The following SPATS2L variants were observed in gnomAD, a reference collection of about 807,000 sequenced individuals.
SPATS2L encodes the protein spermatogenesis associated serine rich 2 like, also known as SPATS2-like protein.
SPATS2L carries 30 observed loss-of-function variants against 59.6 expected under a neutral mutation model. The ratio of observed to expected loss-of-function variants is 0.50; its 90% CI spans 0.38 to 0.68. SPATS2L has a LOEUF of 0.68. Among genes scored for constraint, SPATS2L ranks in the 30% least tolerant of loss-of-function variants. The pLI, the probability that SPATS2L is intolerant of heterozygous loss-of-function variation, is 0.00. For missense variants in SPATS2L, 615 were observed against 700.0 expected (o/e 0.88, Z 1.37); for synonymous variants, 252 against 263.5 (o/e 0.96, Z 0.42).
chr2:200,429,916 C>T (rs2083808072), intron 6 of SPATS2L, among the ~76,000 whole-genome samples: 2 of 152,094 alleles, frequency 1.3e-5, no homozygotes, highest in African/African-American at 4.8e-5. Flanking sequence ...AGTACAATTT[C>T]CCACTCTTTT....
intron 6 of SPATS2L, among the ~76,000 whole-genome samples, chr2:200,430,479 C>T (rs73986895): frequency 0.059 from 8,930 of 151,256 alleles, 547 homozygotes; most frequent in East Asian, 0.16. Context: ...AAACAACCAC[C>T]GTTAAATTTT....
intron 3 of SPATS2L, among the ~76,000 whole-genome samples, chr2:200,396,033 A>AT (rs1172186726): frequency 2.8e-4 from 6 of 21,132 alleles, no homozygotes; most frequent in East Asian, 2.0e-3. Flanking sequence ...AAAAAAAAAA[A>AT]ATATATATAT....
chr2:200,394,392 G>A (rs576727918), intron 3 of SPATS2L, among the ~76,000 whole-genome samples: 1 of 152,230 alleles, frequency 6.6e-6, no homozygotes, highest in African/African-American at 2.4e-5. Context: ...CCCTTCCTCT[G>A]TCATTCACCT....
At chr2:200,347,944 T>G (rs1009133318) in intron 2 of SPATS2L, among the ~76,000 whole-genome samples, 5 of 152,222 alleles carry the variant, frequency 3.3e-5, no homozygotes, top group Non-Finnish European at 5.9e-5. Flanking sequence ...GTCATATAAC[T>G]TCTCTTTCCA....
At position 200,469,935 on chromosome 2, in the gene SPATS2L, T is replaced by C. The variant is rs751090740; in HGVS notation, c.979T>C (p.Tyr327His). 3 of 1,611,150 alleles carry C rather than the reference T, an allele frequency of 1.9e-6. No individual in the cohort carries two copies. The Admixed American group carries it at 5.0e-5, about 27-fold the overall frequency. The change falls in exon 11 of 13, where the codon TAT becomes CAT. Residue 327 changes from tyrosine (Y) to histidine (H), a missense_variant. Physicochemically the swap from Tyr to His is moderately conservative, Grantham distance 83. This residue lies in a region of SPATS2L where 104 missense variants were observed against 162.5 expected (regional missense o/e 0.64). Transcript: ENST00000409140. ...CCAGCACTTTGTCAGCGAGCGTAAA[T>C]ATGACGAGGAGCTCGGGAAAGCTGC... ...EIKHFVSERK[Y>H]DEELGKAARF...
At chr2:200,325,496 A>G (rs2079705726) in intron 1 of SPATS2L, among the ~76,000 whole-genome samples, 1 of 152,114 alleles carries the variant, frequency 6.6e-6, no homozygotes, top group Admixed American at 6.6e-5. Flanking sequence ...CTGCTGCCTC[A>G]GCCTCCCGAG....
intron 6 of SPATS2L, among the ~76,000 whole-genome samples, chr2:200,430,156 C>G (rs567404832): frequency 2.9e-4 from 44 of 152,238 alleles, no homozygotes; most frequent in African/African-American, 1.0e-3. Flanking sequence ...ACGACAGAGA[C>G]CACATCTGTC....
chr2:200,424,301 A>C lies in SPATS2L; in HGVS notation c.445+4805A>C, dbSNP rs2083434397. On this transcript the variant is annotated intron_variant, in intron 6 of 12. Coordinates refer to ENST00000409140, the MANE Select transcript of SPATS2L (RefSeq NM_001100423.2). ...CAGGAGTTTGAGACCAGCCTGGGCA[A>C]CATAGCGAGCTCTTATCTCTTTAAA... Among the ~76,000 whole-genome samples, 4 of 150,670 alleles carry C rather than the reference A, an allele frequency of 2.7e-5. No individual in the cohort carries two copies. In the Admixed American group the frequency reaches 2.7e-4, roughly 10 times the overall value.
At chr2:200,338,730 C>T (rs2105813988) in intron 2 of SPATS2L, among the ~76,000 whole-genome samples, 1 of 152,306 alleles carries the variant, frequency 6.6e-6, no homozygotes, top group South Asian at 2.1e-4. Flanking sequence ...GTTTTTAACA[C>T]ATCAGTTGGT....
At chr2:200,430,399 A>G (rs1202107607) in intron 6 of SPATS2L, among the ~76,000 whole-genome samples, 1 of 151,972 alleles carries the variant, frequency 6.6e-6, no homozygotes, top group Non-Finnish European at 1.5e-5. Context: ...AAGACTTTAC[A>G]CTAATTGAGG....
In SPATS2L at chr2:200,478,268, G is replaced by C; in HGVS notation, c.*237G>C. 1 of 377,824 alleles carries C rather than the reference G, an allele frequency of 2.6e-6. No homozygotes were observed. The highest frequency in any genetic ancestry group is 4.6e-6 in the Non-Finnish European group (1 of 217,232). The allele number at this position is 377,824 out of a possible 1,614,324, so 23.4% of individuals were successfully genotyped here. ...CAAGACTTTGCAGCATTTTAGCCAG[G>C]CAGTATTTACTCATTATTAGGAAAA... On this transcript the variant is annotated 3_prime_UTR_variant, in exon 13 of 13. Transcript: ENST00000409140.
intron 6 of SPATS2L, among the ~76,000 whole-genome samples, chr2:200,438,527 A>T (rs1473265297): frequency 6.6e-6 from 1 of 152,044 alleles, no homozygotes; most frequent in African/African-American, 2.4e-5. Flanking sequence ...AGAGAATCTG[A>T]CTCCCTAGAT....
At position 200,350,533 on chromosome 2, in the gene SPATS2L, A is replaced by G. The variant is rs1210593039; in HGVS notation, c.-23+21053A>G. Among the ~76,000 whole-genome samples the G allele has an allele frequency of 2.6e-5, 4 of 151,368 alleles. No individual in the cohort carries two copies. In the East Asian group the frequency reaches 7.8e-4, roughly 29 times the overall value. On this transcript the variant is annotated intron_variant, in intron 2 of 12. Transcript: ENST00000409140. ...TAAATTTAAATTTTATTTTGATTTC[A>G]TTTTATTTTTTGAGATGGAGTCTCA...
intron 2 of SPATS2L, among the ~76,000 whole-genome samples, chr2:200,330,679 C>T (rs772911472): frequency 1.3e-5 from 2 of 152,190 alleles, no homozygotes; most frequent in African/African-American, 2.4e-5. Flanking sequence ...TTTCTTGAAA[C>T]GTATACCAAA....
chr2:200,372,479 C>G (rs2105893801), intron 2 of SPATS2L, among the ~76,000 whole-genome samples: 1 of 152,192 alleles, frequency 6.6e-6, no homozygotes. Context: ...TTTGTCCTCA[C>G]TGGGAAGTGG....
At chr2:200,344,988 T>C (rs911704221) in intron 2 of SPATS2L, among the ~76,000 whole-genome samples, 8 of 152,242 alleles carry the variant, frequency 5.3e-5, no homozygotes, top group African/African-American at 1.7e-4. Flanking sequence ...CTGCATAGTT[T>C]GCAAATATTT....
chr2:200,323,665 G>C, intron 1 of SPATS2L, among the ~76,000 whole-genome samples: 1 of 152,184 alleles, frequency 6.6e-6, no homozygotes, highest in East Asian at 1.9e-4. Context: ...CTCTAATGAG[G>C]GAAGGGGGCC....
At chr2:200,475,694 G>A (rs531288602) in intron 12 of SPATS2L, among the ~76,000 whole-genome samples, 13 of 152,248 alleles carry the variant, frequency 8.5e-5, no homozygotes, top group East Asian at 3.9e-4. Context: ...TTTAACAGAT[G>A]TATGGACCTA....
At chr2:200,380,690 G>C (rs2081777277) in intron 2 of SPATS2L, among the ~76,000 whole-genome samples, 1 of 152,240 alleles carries the variant, frequency 6.6e-6, no homozygotes, top group Non-Finnish European at 1.5e-5. Flanking sequence ...GGCCAAGCCA[G>C]AGCTTTTAAA....
Sources: gnomAD v4.1 joint callset for allele counts (sites outside exome capture counted in the v4.1 genomes callset) on GRCh38, gnomAD v4.1.1 for gene constraint, gnomAD v4.1.1 regional missense constraint, MANE v1.5 for transcripts, NCBI Gene and HGNC (gene_info 2026-07-23, HGNC 2026-07-21) for gene names.